Variants in DNAJB6 observed in about 807,000 individuals in gnomAD.
DNAJB6 encodes DnaJ heat shock protein family (Hsp40) member B6, also known as dnaJ homolog subfamily B member 6.
In DNAJB6, 16 loss-of-function variants were observed where a neutral mutation model predicts 42.7. The observed-to-expected ratio is 0.37, with a 90% confidence interval of 0.25 to 0.57. The LOEUF (loss-of-function observed/expected upper bound fraction) is 0.57, where lower values mean the gene tolerates loss of function less well. Among genes scored for constraint, DNAJB6 ranks in the 20% least tolerant of loss-of-function variants. DNAJB6 has a pLI of 0.74. For missense variants in DNAJB6, 347 were observed against 416.8 expected, an observed-to-expected ratio of 0.83 and a Z score of 1.46; for synonymous variants, 170 against 163.5, an observed-to-expected ratio of 1.04 and a Z score of -0.30.
intron 1 of DNAJB6, among the ~76,000 whole-genome samples, chr7:157,339,601 T>TTTTG (rs1371647372): frequency 8.2e-6 from 1 of 122,326 alleles, no homozygotes; most frequent in Non-Finnish European, 1.7e-5. Context: ...GCCCGGCCTT[T>TTTTG]TGTGTGTGTG....
chr7:157,413,260 G>A (rs1258877179), intron 9 of DNAJB6: 1 of 152,186 alleles, frequency 6.6e-6, no homozygotes, highest in Non-Finnish European at 1.5e-5. Context: ...ACACGTAACT[G>A]TTAAAAAAGG....
intron 4 of DNAJB6, 61 bp downstream of exon 4, chr7:157,366,622 A>C: frequency 6.7e-7 from 1 of 1,484,412 alleles, no homozygotes; most frequent in Non-Finnish European, 9.4e-7. Context: ...TGAGTTTGTA[A>C]ATCACGAGTC....
intron 1 of DNAJB6, among the ~76,000 whole-genome samples, chr7:157,348,363 G>GAAT: frequency 6.6e-6 from 1 of 152,302 alleles, no homozygotes; most frequent in African/African-American, 2.4e-5. Flanking sequence ...CAAAGTGCTG[G>GAAT]AATTACAGGC....
At chr7:157,346,550 C>T (rs1798698164) in intron 1 of DNAJB6, among the ~76,000 whole-genome samples, 1 of 151,750 alleles carries the variant, frequency 6.6e-6, no homozygotes, top group African/African-American at 2.4e-5. Flanking sequence ...TTTTTTTAAA[C>T]ACTGTTTTTG....
chr7:157,396,228 C>T (rs1011774169), intron 8 of DNAJB6, among the ~76,000 whole-genome samples: 9 of 152,296 alleles, frequency 5.9e-5, no homozygotes, highest in African/African-American at 1.7e-4. Flanking sequence ...GGATTACATG[C>T]GTGAGCCACT....
In DNAJB6 at chr7:157,367,482, T is replaced by C; in HGVS notation, c.345T>C (p.Phe115=). The C allele has an allele frequency of 6.3e-7, 1 of 1,583,516 alleles. No individual in the cohort carries two copies. Among genetic ancestry groups the C allele is most frequent in the East Asian group, 2.2e-5 (1 of 44,768 alleles). The change falls in exon 5 of 10, where the codon TTT becomes TTC. Residue 115 remains phenylalanine (F), a splice_region_variant and synonymous_variant. Coordinates refer to ENST00000262177, the MANE Select transcript of DNAJB6 (RefSeq NM_058246.4). The stretch of plus-strand genomic sequence containing the variant: ...GGGACCCATTTTCATTTGACTTCTT[T>C]GGTAAGTTAATCACGTGGGTTGACT... The part of the protein sequence containing the change: ...GGRDPFSFDF[F]EDPFEDFFGN...
At chr7:157,379,805 C>CTTTTTTTTTTTTTTTTTTTTTTTTTT (rs57417414) in intron 5 of DNAJB6, 1 of 121,166 alleles carries the variant, frequency 8.3e-6, no homozygotes. Flanking sequence ...GCAGAAATGC[C>CTTTTTTTTTTTTTTTTTTTTTTTTTT]TTTTTTTTTT....
chr7:157,381,745 C>CGTATGT (rs1554462581), intron 5 of DNAJB6: 1 of 148,726 alleles, frequency 6.7e-6, no homozygotes, highest in Non-Finnish European at 1.5e-5. Context: ...CACCATTCCT[C>CGTATGT]GTGTGTGTGT....
At chr7:157,407,156 A>G (rs1795802448) in intron 8 of DNAJB6, among the ~76,000 whole-genome samples, 1 of 152,224 alleles carries the variant, frequency 6.6e-6, no homozygotes, top group Admixed American at 6.5e-5. Context: ...TGGCAGCGAG[A>G]CTGGGCTTCC....
chr7:157,339,632 T>A (rs938084595), intron 1 of DNAJB6, among the ~76,000 whole-genome samples: 9 of 118,696 alleles, frequency 7.6e-5, no homozygotes, highest in African/African-American at 1.2e-4. Context: ...TGTGTGTGTG[T>A]GTGTGTGTGT....
At chr7:157,404,192 C>G (rs1795658978) in intron 8 of DNAJB6, among the ~76,000 whole-genome samples, 1 of 151,872 alleles carries the variant, frequency 6.6e-6, no homozygotes, top group Non-Finnish European at 1.5e-5. Flanking sequence ...TGGTCTCAAA[C>G]TCTTGGGCCC....
chr7:157,400,513 T>A (rs2117167547), intron 8 of DNAJB6, among the ~76,000 whole-genome samples: 1 of 152,352 alleles, frequency 6.6e-6, no homozygotes, highest in Non-Finnish European at 1.5e-5. Flanking sequence ...AGCTGGGTCC[T>A]AAACCTGGCA....
chr7:157,391,248 G>A (rs1281394547), intron 8 of DNAJB6, among the ~76,000 whole-genome samples: 1 of 152,194 alleles, frequency 6.6e-6, no homozygotes, highest in Non-Finnish European at 1.5e-5. Flanking sequence ...CGTGAGACAC[G>A]TTTCGTACAC....
Position 157,416,092 on chromosome 7 carries a change from TCA to T in DNAJB6, c.977_978del (p.His326LeufsTer5), listed in dbSNP as rs748544225. Reference sequence around the variant, plus strand: ...AGAAGAAGAAGTCGACCAAAGGCAATCACTAGACCGGACTTGAGGCACGCGGT... The same window carrying T: ...AGAAGAAGAAGTCGACCAAAGGCAATCTAGACCGGACTTGAGGCACGCGGT... ...SKKKKSTKGN[H>X] On this transcript the variant is annotated frameshift_variant, in exon 10 of 10. Coordinates refer to ENST00000262177, the MANE Select transcript of DNAJB6 (RefSeq NM_058246.4). LOFTEE classifies it high-confidence loss of function. The T allele has an allele frequency of 6.2e-7, 1 of 1,613,558 alleles. No individual in the cohort carries two copies. The highest frequency in any genetic ancestry group is 2.2e-5 in the East Asian group (1 of 44,860).
At chr7:157,355,918 G>A (rs893180904) in intron 1 of DNAJB6, among the ~76,000 whole-genome samples, 1 of 152,186 alleles carries the variant, frequency 6.6e-6, no homozygotes, top group African/African-American at 2.4e-5. Context: ...TGGCCACGCG[G>A]CCCTCACCCA....
rs758663546 is a variant in DNAJB6 at position 157,409,988 on chromosome 7, C to T, written c.885C>T (p.Leu295=). 2 of 1,531,602 alleles carry T rather than the reference C, an allele frequency of 1.3e-6. No individual in the cohort carries two copies. The highest frequency in any genetic ancestry group is 1.4e-5 in the African/African-American group (1 of 72,842). 94.9% of individuals were successfully genotyped at this position (1,531,602 alleles called of 1,614,324 possible). Residue 295 remains leucine, a synonymous_variant, in exon 9 of 10, where the codon CTC becomes CTT. Transcript: ENST00000262177. ...RPRAPGPWDP[L]ASAAGLKEGG... Reference sequence around the variant, plus strand: ...GGGCACCCGGGCCCTGGGACCCCCTCGCGTCCGCAGCAGGTGTGCAAAGGG... The same window carrying T: ...GGGCACCCGGGCCCTGGGACCCCCTTGCGTCCGCAGCAGGTGTGCAAAGGG...
At chr7:157,340,574 A>G (rs1235971512) in intron 1 of DNAJB6, among the ~76,000 whole-genome samples, 1 of 152,182 alleles carries the variant, frequency 6.6e-6, no homozygotes, top group Non-Finnish European at 1.5e-5. Flanking sequence ...TGTTTTGTCA[A>G]ACAAAACCCT....
intron 1 of DNAJB6, among the ~76,000 whole-genome samples, chr7:157,346,525 T>C (rs1456974015): frequency 2.0e-5 from 3 of 152,168 alleles, no homozygotes; most frequent in African/African-American, 4.8e-5. Flanking sequence ...ATATTTAATA[T>C]ATAGTTTTAT....
chr7:157,410,350 AGGCCGGGTGGTCT>A (rs1795930286), intron 9 of DNAJB6: 1 of 441,126 alleles, frequency 2.3e-6, no homozygotes, highest in Admixed American at 4.3e-5. Flanking sequence ...CCTGTGGCTT[AGGCCGGGTGGTCT>A]CGTGCTGGTG....
Sources: gnomAD v4.1 joint callset for allele counts (sites outside exome capture counted in the v4.1 genomes callset) on GRCh38, gnomAD v4.1.1 for gene constraint, MANE v1.5 for transcripts, NCBI Gene and HGNC (gene_info 2026-07-23, HGNC 2026-07-21) for gene names.